The following WTAP variants were observed in gnomAD, a reference collection of about 807,000 sequenced individuals.
WTAP encodes the protein WT1 associated protein.
Under a neutral mutation model 50.0 loss-of-function variants are expected in WTAP, and 8 were observed. That is an observed-to-expected ratio of 0.16 (90% confidence interval 0.09 to 0.29). The LOEUF is 0.29. Ranked by LOEUF, WTAP falls within the 10% of genes least tolerant of loss-of-function variation. The pLI is 1.00. For synonymous variants in WTAP, 194 were observed against 169.0 expected, an observed-to-expected ratio of 1.15 and a Z score of -1.15; for missense variants, 295 against 470.7, an observed-to-expected ratio of 0.63 and a Z score of 3.45.
intron 3 of WTAP, among the ~76,000 whole-genome samples, chr6:159,741,362 G>A (rs1779244835): frequency 6.6e-6 from 1 of 152,180 alleles, no homozygotes; most frequent in South Asian, 2.1e-4. Context: ...GTGTTTACAG[G>A]CAGAAATTGA....
intron 1 of WTAP, among the ~76,000 whole-genome samples, chr6:159,729,437 A>T (rs1477707534): frequency 6.6e-6 from 1 of 152,230 alleles, no homozygotes; most frequent in Non-Finnish European, 1.5e-5. Flanking sequence ...ATTGTGTATA[A>T]CAAGATGTTC....
chr6:159,753,222 A>G (rs1779883189), intron 6 of WTAP: 1 of 513,620 alleles, frequency 1.9e-6, no homozygotes. Context: ...TTGATGTAAT[A>G]GAAACAAGGT....
intron 6 of WTAP, among the ~76,000 whole-genome samples, chr6:159,750,364 C>T (rs1435031140): frequency 6.6e-6 from 1 of 151,936 alleles, no homozygotes; most frequent in Non-Finnish European, 1.5e-5. Context: ...TTTTTCTTGT[C>T]ATTGTTAAAA....
intron 4 of WTAP, 73 bp downstream of exon 4, chr6:159,742,219 T>A (rs1779300354): frequency 7.6e-7 from 1 of 1,309,934 alleles, no homozygotes; most frequent in African/African-American, 1.5e-5. Context: ...GGATAGTTGT[T>A]TTTATTAAAG....
chr6:159,729,199 T>C (rs775713605), intron 1 of WTAP, among the ~76,000 whole-genome samples: 4 of 152,242 alleles, frequency 2.6e-5, no homozygotes, highest in Non-Finnish European at 1.5e-5. Flanking sequence ...ATATATTGTT[T>C]AGCAGTTTTG....
intron 6 of WTAP, chr6:159,749,219 A>G: frequency 1.0e-6 from 1 of 985,844 alleles, no homozygotes; most frequent in Non-Finnish European, 1.2e-6. Context: ...TTCATTTCAC[A>G]ACTAGATTGT....
chr6:159,732,093 C>A (rs1778607201), intron 1 of WTAP, among the ~76,000 whole-genome samples: 3 of 152,142 alleles, frequency 2.0e-5, no homozygotes, highest in African/African-American at 7.2e-5. Context: ...CTGCCCTTTG[C>A]ATACTCAGGT....
intron 3 of WTAP, among the ~76,000 whole-genome samples, chr6:159,740,291 GTTTTA>G (rs1291068789): frequency 6.6e-6 from 1 of 152,118 alleles, no homozygotes; most frequent in Non-Finnish European, 1.5e-5. Context: ...TCATAGAAAT[GTTTTA>G]TTTTAAGATA....
upstream of WTAP, chr6:159,727,049 T>C: frequency 8.2e-7 from 1 of 1,220,318 alleles, no homozygotes; most frequent in Non-Finnish European, 1.0e-6. Context: ...GGCGAGTACT[T>C]CCACCTTCCC....
intron 1 of WTAP, among the ~76,000 whole-genome samples, chr6:159,729,347 A>G (rs1313644017): frequency 1.3e-5 from 2 of 152,204 alleles, no homozygotes; most frequent in Non-Finnish European, 2.9e-5. Context: ...TTCTGCCTCT[A>G]AATATTTTGC....
rs769982462 is a variant in WTAP at position 159,753,580 on chromosome 6, G to A, written c.573G>A (p.Lys191=). 4 of 1,614,080 alleles carry A rather than the reference G, an allele frequency of 2.5e-6. No homozygotes were observed. The highest frequency in any genetic ancestry group is 3.4e-6 in the Non-Finnish European group (4 of 1,179,972). Reference sequence around the variant, plus strand: ...TTGAAGCAGAGTTGGCTTTACAGAAGAAATACAGTGAGGAGCTTAAAAGCA... The same window carrying A: ...TTGAAGCAGAGTTGGCTTTACAGAAAAAATACAGTGAGGAGCTTAAAAGCA... ...AQLEAELALQ[K]KYSEELKSSQ... The change falls in exon 7 of 8, where the codon AAG becomes AAA. Residue 191 remains lysine (K), a synonymous_variant. Transcript: ENST00000621533.
intron 1 of WTAP, among the ~76,000 whole-genome samples, chr6:159,731,798 C>T (rs1235444471): frequency 6.6e-6 from 1 of 152,136 alleles, no homozygotes; most frequent in Non-Finnish European, 1.5e-5. Flanking sequence ...GATTTTGCTA[C>T]TTTTGTATTT....
chr6:159,730,494 G>T (rs946919551), intron 1 of WTAP, among the ~76,000 whole-genome samples: 2 of 152,036 alleles, frequency 1.3e-5, no homozygotes, highest in Non-Finnish European at 2.9e-5. Flanking sequence ...ACATTCGTGT[G>T]GTGTGAAAGT....
intron 1 of WTAP, among the ~76,000 whole-genome samples, chr6:159,729,928 G>A (rs1778465452): frequency 6.6e-6 from 1 of 152,128 alleles, no homozygotes; most frequent in East Asian, 1.9e-4. Flanking sequence ...GGGATGCTAG[G>A]CACCTAACCA....
chr6:159,736,165 TAATA>T lies in WTAP; in HGVS notation c.-8-89_-8-86del, dbSNP rs199792178. ...ATTATTCAACAGTAATTTAGTTCAC[TAATA>T]AATTGATTTGAAAGAGTCAGTATTT... On this transcript the variant is annotated intron_variant, in intron 1 of 7. Coordinates refer to ENST00000621533, the MANE Select transcript of WTAP (RefSeq NM_001270531.2). 3.5e-3 allele frequency: 4,251 copies of T among 1,220,244 alleles called. 111 individuals are homozygous for T. In the African/African-American group the frequency reaches 0.056, roughly 16 times the overall value. The allele number at this position is 1,220,244 out of a possible 1,614,324, so 75.6% of individuals were successfully genotyped here.
chr6:159,753,021 T>C (rs1336969350), intron 6 of WTAP, among the ~76,000 whole-genome samples: 1 of 152,252 alleles, frequency 6.6e-6, no homozygotes, highest in Non-Finnish European at 1.5e-5. Context: ...TCATTTTTAT[T>C]TGTAGGTACT....
rs139992093 is a variant in WTAP at position 159,740,047 on chromosome 6, G to C, written c.86+1002G>C. Among the ~76,000 whole-genome samples the C allele has an allele frequency of 2.6e-3, 392 of 151,724 alleles. 5 individuals carry two copies. Among genetic ancestry groups the C allele is most frequent in the African/African-American group, 8.9e-3 (370 of 41,398 alleles). On this transcript the variant is annotated intron_variant, in intron 3 of 7. Coordinates refer to ENST00000621533, the MANE Select transcript of WTAP (RefSeq NM_001270531.2). ...ATATAAATTATAATAGAGGTGAGGT[G>C]CTGCTCAGGCTGGTCTTGAATGCCT...
intron 6 of WTAP, among the ~76,000 whole-genome samples, chr6:159,751,617 GT>G (rs200047143): frequency 0.014 from 2,097 of 152,322 alleles, 50 homozygotes; most frequent in African/African-American, 0.047. Context: ...AGCTAATAAA[GT>G]TATCATATCA....
At chr6:159,726,788 C>G, upstream of WTAP, 3 of 1,289,162 alleles carry the variant, frequency 2.3e-6, no homozygotes, top group Middle Eastern at 2.1e-4. Flanking sequence ...ACCCAGCGGC[C>G]AGGAGACTGC....
Sources: allele counts gnomAD v4.1 joint callset (sites outside exome capture counted in the v4.1 genomes callset), GRCh38; gene constraint gnomAD v4.1.1; transcripts MANE v1.5; gene names NCBI Gene and HGNC (gene_info 2026-07-23, HGNC 2026-07-21).